The following GARRE1 variants were observed in gnomAD, a reference collection of about 807,000 sequenced individuals.
The protein encoded by GARRE1 is granule associated Rac and RHOG effector protein 1.
In GARRE1, 49 loss-of-function variants were observed where a neutral mutation model predicts 103.2. The observed-to-expected ratio is 0.47, with a 90% CI of 0.38 to 0.60. The LOEUF (loss-of-function observed/expected upper bound fraction) is 0.60. Ranked by LOEUF, GARRE1 falls within the 20% of genes least tolerant of loss-of-function variation. The pLI, the probability that GARRE1 is intolerant of heterozygous loss-of-function variation, is 0.00. For synonymous variants in GARRE1, 505 were observed against 532.8 expected (o/e 0.95, Z 0.72); for missense variants, 1,199 against 1,370.5 (o/e 0.87, Z 1.98).
intron 8 of GARRE1, 90 bp from the exon 9 acceptor site, chr19:34,339,777 A>G (rs2074177506): frequency 6.5e-7 from 1 of 1,535,980 alleles, no homozygotes; most frequent in Non-Finnish European, 8.9e-7. Context: ...CCAGAGGTAC[A>G]TAAAAGTTGT....
intron 3 of GARRE1, among the ~76,000 whole-genome samples, chr19:34,321,223 ATTTTT>A (rs71165648): frequency 8.8e-4 from 68 of 77,370 alleles, no homozygotes; most frequent in African/African-American, 2.6e-3. Flanking sequence ...AGCCCGGCTA[ATTTTT>A]TTTTTTTTTT....
At chr19:34,336,362 A>G (rs1207913172) in intron 8 of GARRE1, among the ~76,000 whole-genome samples, 1 of 152,020 alleles carries the variant, frequency 6.6e-6, no homozygotes, top group Admixed American at 6.6e-5. Context: ...ACATATTTTC[A>G]TTTCTATCAA....
At chr19:34,292,877 T>A (rs1287368795) in intron 1 of GARRE1, among the ~76,000 whole-genome samples, 1 of 152,034 alleles carries the variant, frequency 6.6e-6, no homozygotes, top group Non-Finnish European at 1.5e-5. Flanking sequence ...CCCAGCTAAT[T>A]TTTGTATTTT....
At chr19:34,274,141 C>T (rs1043615950) in intron 1 of GARRE1, among the ~76,000 whole-genome samples, 19 of 151,962 alleles carry the variant, frequency 1.3e-4, no homozygotes, top group African/African-American at 4.3e-4. Context: ...CATGGTGGCT[C>T]ATACCTGTAA....
intron 2 of GARRE1, among the ~76,000 whole-genome samples, chr19:34,301,576 G>A (rs912827432): frequency 6.7e-6 from 1 of 149,110 alleles, no homozygotes; most frequent in Admixed American, 6.7e-5. Context: ...ATTTTATATT[G>A]TTGTCTTTCA....
At position 34,283,466 on chromosome 19, in the gene GARRE1, T is replaced by TATC. The variant is rs529865894; in HGVS notation, c.-795-16202_-795-16200dup. ...TTTGCTTGCTTTGTGGGAATGATAA[T>TATC]ATCATCATCATCAAACATTTAGTGC... On this transcript the variant is annotated intron_variant, in intron 1 of 13. Transcript: ENST00000299505. 1.4e-4 allele frequency among the ~76,000 whole-genome samples: 21 copies of TATC among 152,328 alleles called. No homozygotes were observed. In the East Asian group the frequency reaches 3.5e-3, roughly 25 times the overall value.
chr19:34,305,393 C>T (rs2074003102), intron 2 of GARRE1, among the ~76,000 whole-genome samples: 1 of 152,176 alleles, frequency 6.6e-6, no homozygotes, highest in South Asian at 2.1e-4. Flanking sequence ...TTTGTCCTCT[C>T]CTAGAAAGTG....
In GARRE1 at chr19:34,333,793, A is replaced by G; in HGVS notation, c.1353A>G (p.Pro451=). 4 of 1,591,956 alleles carry G rather than the reference A, an allele frequency of 2.5e-6. No individual in the cohort carries two copies. Among genetic ancestry groups the G allele is most frequent in the Non-Finnish European group, 3.4e-6 (4 of 1,161,334 alleles). The change falls in exon 8 of 14, where the codon CCA becomes CCG. Residue 451 remains proline (P), a synonymous_variant. Transcript: ENST00000299505. ...GCTCTAGAATCGTGGTTCAAGTCCC[A>G]TCCACATGGTAACGTGCCTCTTACT... ...LEGSRIVVQV[P]STWCLKEDPA...
chr19:34,351,188 C>G (rs2074234462), intron 12 of GARRE1, among the ~76,000 whole-genome samples: 1 of 126,730 alleles, frequency 7.9e-6, no homozygotes, highest in South Asian at 2.6e-4. Context: ...AACAGTGAGA[C>G]TCAGTCTCAA....
At chr19:34,295,265 C>CCT (rs2073941157) in intron 1 of GARRE1, among the ~76,000 whole-genome samples, 1 of 152,114 alleles carries the variant, frequency 6.6e-6, no homozygotes, top group African/African-American at 2.4e-5. Context: ...GGGACTCAGT[C>CCT]AAGTTAAAAT....
chr19:34,320,191 C>T, intron 3 of GARRE1, 75 bp downstream of exon 3: 1 of 1,182,508 alleles, frequency 8.5e-7, no homozygotes, highest in East Asian at 2.4e-5. Flanking sequence ...CCTGTTGATT[C>T]TCAAAACAGC....
At chr19:34,301,394 T>G (rs1266539638) in intron 2 of GARRE1, among the ~76,000 whole-genome samples, 1 of 151,514 alleles carries the variant, frequency 6.6e-6, no homozygotes, top group African/African-American at 2.4e-5. Context: ...AAGCCCTGAC[T>G]ACTCCAGAAG....
intron 1 of GARRE1, among the ~76,000 whole-genome samples, chr19:34,298,723 A>G (rs1239376502): frequency 6.6e-6 from 1 of 152,132 alleles, no homozygotes; most frequent in Admixed American, 6.5e-5. Context: ...AAATAATAAT[A>G]ATAAGTTAAA....
intron 8 of GARRE1, among the ~76,000 whole-genome samples, chr19:34,335,225 C>G (rs1305945116): frequency 2.6e-5 from 4 of 152,062 alleles, no homozygotes; most frequent in Non-Finnish European, 5.9e-5. Context: ...TATTAGAAGC[C>G]TAAAATAAGG....
intron 1 of GARRE1, among the ~76,000 whole-genome samples, chr19:34,266,156 ATGTT>A (rs756581803): frequency 1.4e-4 from 21 of 152,192 alleles, no homozygotes; most frequent in Non-Finnish European, 2.6e-4. Context: ...ACCTTAGTGA[ATGTT>A]TGAGTATGTG....
At chr19:34,347,141 T>C (rs900958873) in intron 10 of GARRE1, among the ~76,000 whole-genome samples, 2 of 150,784 alleles carry the variant, frequency 1.3e-5, no homozygotes, top group East Asian at 3.9e-4. Flanking sequence ...CAGACTGGAG[T>C]GCAGTGGCAC....
At chr19:34,311,859 C>T (rs1253221243) in intron 2 of GARRE1, among the ~76,000 whole-genome samples, 2 of 152,342 alleles carry the variant, frequency 1.3e-5, no homozygotes, top group East Asian at 3.9e-4. Context: ...GATCCCCCTG[C>T]CCTGGCCTCC....
rs141807976 is a variant in GARRE1, at chr19:34,343,065, T to A, written c.2521+610T>A. ...AAATAGAGTAGAAATTGCAAATAAC[T>A]CTAAAGGATCTTTGGAAGACCAATA... is the stretch of plus-strand genomic sequence containing the variant. On this transcript the variant is annotated intron_variant, in intron 10 of 13. Transcript: ENST00000299505. 3.7e-3 allele frequency among the ~76,000 whole-genome samples: 570 copies of A among 152,262 alleles called. 3 individuals carry two copies. The highest frequency in any genetic ancestry group is 0.013 in the African/African-American group (539 of 41,536).
intron 2 of GARRE1, among the ~76,000 whole-genome samples, chr19:34,310,547 A>G (rs1051260782): frequency 1.3e-5 from 2 of 152,224 alleles, no homozygotes; most frequent in African/African-American, 4.8e-5. Flanking sequence ...CCTTGCTCGC[A>G]CTAGGGCCCC....
Sources: gnomAD v4.1 joint callset for allele counts (sites outside exome capture counted in the v4.1 genomes callset) on GRCh38, gnomAD v4.1.1 for gene constraint, MANE v1.5 for transcripts, NCBI Gene and HGNC (gene_info 2026-07-23, HGNC 2026-07-21) for gene names.